SORBS2: variants seen among roughly 807,000 people sequenced by gnomAD.
SORBS2 encodes the protein sorbin and SH3 domain-containing protein 2.
In SORBS2, 46 loss-of-function variants were observed where a neutral mutation model predicts 97.7. That is an observed-to-expected ratio of 0.47 (90% CI 0.37 to 0.60). The LOEUF (loss-of-function observed/expected upper bound fraction) is 0.60, where lower values mean the gene tolerates loss of function less well. Among genes scored for constraint, SORBS2 ranks in the 20% least tolerant of loss-of-function variants. The pLI is 0.00. For missense variants in SORBS2, 1,316 were observed against 1,282.3 expected, an observed-to-expected ratio of 1.03 and a Z score of -0.40; for synonymous variants, 476 against 473.4, an observed-to-expected ratio of 1.01 and a Z score of -0.07.
chr4:185,624,260 TC>T lies in SORBS2; in HGVS notation c.868del (p.Asp290IlefsTer3). The T allele has an allele frequency of 6.2e-7, 1 of 1,614,178 alleles. No homozygotes were observed. The highest frequency in any genetic ancestry group is 8.5e-7 in the Non-Finnish European group (1 of 1,180,026). On this transcript the variant is annotated frameshift_variant, in exon 7 of 15. Transcript: ENST00000418609. LOFTEE classifies it high-confidence loss of function. ...GCTATCGCAGTCGTCGTTTAGGAGA[TC>T]GTCACAGCTCCGGGATTTGATTTTG...
chr4:185,756,733 T>G (rs1279024248), intron 2 of SORBS2, among the ~76,000 whole-genome samples: 2 of 151,828 alleles, frequency 1.3e-5, no homozygotes, highest in East Asian at 3.9e-4. Context: ...TTTTTTTTTT[T>G]TTTTTAATTC....
At chr4:185,695,940 A>T (rs1013005905) in intron 2 of SORBS2, among the ~76,000 whole-genome samples, 1 of 152,198 alleles carries the variant, frequency 6.6e-6, no homozygotes. Flanking sequence ...CAGTAGCGGC[A>T]TGACTGTCCA....
intron 2 of SORBS2, among the ~76,000 whole-genome samples, chr4:185,691,844 A>G (rs890926759): frequency 6.6e-6 from 1 of 151,974 alleles, no homozygotes; most frequent in Non-Finnish European, 1.5e-5. Context: ...TCCCGGGCTC[A>G]CGCCATTCTT....
At chr4:185,721,251 T>C (rs2098512091) in intron 2 of SORBS2, among the ~76,000 whole-genome samples, 1 of 152,100 alleles carries the variant, frequency 6.6e-6, no homozygotes, top group African/African-American at 2.4e-5. Flanking sequence ...ATTTTTGTAT[T>C]TTTAGTAGAA....
chr4:185,696,236 T>C (rs73013686), intron 2 of SORBS2, among the ~76,000 whole-genome samples: 4,076 of 152,312 alleles, frequency 0.027, 195 homozygotes, highest in African/African-American at 0.094. Context: ...AAAAGAGCAC[T>C]ATATGTCTTC....
At chr4:185,602,912 T>G (rs913650727) in intron 12 of SORBS2, among the ~76,000 whole-genome samples, 4 of 152,192 alleles carry the variant, frequency 2.6e-5, no homozygotes, top group Non-Finnish European at 5.9e-5. Context: ...CAGTGGGAGA[T>G]TCAAAAATTG....
At position 185,649,502 on chromosome 4, in the gene SORBS2, CG is replaced by C; in HGVS notation, c.245del (p.Pro82ArgfsTer59). 6.3e-7 allele frequency: 1 copy of C among 1,591,774 alleles called. No individual in the cohort carries two copies. ...AAGACCGATCTCTTGGTCGAAGCGG[CG>C]GGACTGGAGGTGGAACATGTGGGGG... On this transcript the variant is annotated frameshift_variant, in exon 3 of 15. Coordinates refer to ENST00000418609, the Ensembl canonical transcript of SORBS2. LOFTEE classifies it high-confidence loss of function.
intron 2 of SORBS2, among the ~76,000 whole-genome samples, chr4:185,736,728 G>A (rs987557384): frequency 1.3e-5 from 2 of 152,100 alleles, no homozygotes; most frequent in South Asian, 2.1e-4. Context: ...AGGGTGTGTC[G>A]AGCCTGTGGT....
chr4:185,855,810 T>C (rs1305637026), intron 1 of SORBS2, among the ~76,000 whole-genome samples: 1 of 152,220 alleles, frequency 6.6e-6, no homozygotes, highest in Non-Finnish European at 1.5e-5. Context: ...TGTTGTCATT[T>C]ACATCTGGGA....
rs2097125099 is a variant in SORBS2, at chr4:185,641,443, T to C, written c.396+5225A>G. 2.6e-5 allele frequency among the ~76,000 whole-genome samples: 4 copies of C among 152,138 alleles called. No individual in the cohort carries two copies. In the South Asian group the frequency reaches 8.3e-4, roughly 32 times the overall value. ...TTGCCGTATTGAATCTTTTAAGTCA[T>C]GCAATAATTAAATGTCCTATGGTGA... On this transcript the variant is annotated intron_variant, in intron 4 of 14. Coordinates refer to ENST00000418609, the Ensembl canonical transcript of SORBS2.
chr4:185,770,257 C>A (rs780753461), intron 2 of SORBS2, among the ~76,000 whole-genome samples: 2 of 152,126 alleles, frequency 1.3e-5, no homozygotes, highest in Non-Finnish European at 2.9e-5. Context: ...TCATTAACAG[C>A]GATTTTTGTC....
intron 1 of SORBS2, among the ~76,000 whole-genome samples, chr4:185,896,597 TAAAC>T (rs1315715962): frequency 1.3e-5 from 2 of 152,126 alleles, no homozygotes; most frequent in Admixed American, 1.3e-4. Context: ...AATAAATAAA[TAAAC>T]AAACAGCTAG....
chr4:185,954,371 T>C (rs756441537), intron 1 of SORBS2, among the ~76,000 whole-genome samples: 67 of 152,052 alleles, frequency 4.4e-4, no homozygotes, highest in Non-Finnish European at 4.4e-5. Context: ...ACTTTGAATT[T>C]TAATTTTGTA....
intron 1 of SORBS2, among the ~76,000 whole-genome samples, chr4:185,933,866 C>T (rs2099267622): frequency 6.6e-6 from 1 of 152,116 alleles, no homozygotes; most frequent in South Asian, 2.1e-4. Flanking sequence ...AGTAGGCCAC[C>T]TGATATGAAG....
At chr4:185,813,416 G>A (rs1027359297) in intron 1 of SORBS2, among the ~76,000 whole-genome samples, 4 of 152,190 alleles carry the variant, frequency 2.6e-5, no homozygotes, top group Non-Finnish European at 5.9e-5. Context: ...CAGGGTCAGC[G>A]TATCCATGGA....
At chr4:185,842,337 G>A (rs1251908848) in intron 1 of SORBS2, among the ~76,000 whole-genome samples, 1 of 152,168 alleles carries the variant, frequency 6.6e-6, no homozygotes, top group Non-Finnish European at 1.5e-5. Context: ...AGAGACTGGA[G>A]GTCCATGTGA....
At chr4:185,752,484 G>T (rs1225681163) in intron 2 of SORBS2, among the ~76,000 whole-genome samples, 1 of 152,060 alleles carries the variant, frequency 6.6e-6, no homozygotes, top group Non-Finnish European at 1.5e-5. Flanking sequence ...CACCGTGTTG[G>T]CCAGGATGGT....
chr4:185,876,110 A>T lies in SORBS2; in HGVS notation c.-338+80086T>A, dbSNP rs1035485585. On this transcript the variant is annotated intron_variant, in intron 1 of 20. Coordinates refer to the SORBS2 transcript ENST00000284776. ...AAGAATTGCAAGCTTTAGGATTTAA[A>T]TTTTTTTGTTTTTTTTTGAGATGGA... is the stretch of plus-strand genomic sequence containing the variant. 1.1e-4 allele frequency among the ~76,000 whole-genome samples: 16 copies of T among 148,042 alleles called. No individual in the cohort carries two copies. In the East Asian group the frequency reaches 2.6e-3, roughly 24 times the overall value.
chr4:185,779,245 G>A (rs938261937), intron 1 of SORBS2, among the ~76,000 whole-genome samples: 17 of 152,118 alleles, frequency 1.1e-4, no homozygotes, highest in African/African-American at 3.6e-4. Context: ...TGCCACTTAC[G>A]CGTGGCTGTG....
Sources: allele counts gnomAD v4.1 joint callset (sites outside exome capture counted in the v4.1 genomes callset), GRCh38; gene constraint gnomAD v4.1.1; transcripts MANE v1.5; gene names NCBI Gene and HGNC (gene_info 2026-07-23, HGNC 2026-07-21).